ITSN1: variants seen among roughly 807,000 people sequenced by gnomAD.
ITSN1 encodes intersectin 1.
Under a neutral mutation model 239.8 loss-of-function variants are expected in ITSN1, and 58 were observed. The ratio of observed to expected loss-of-function variants is 0.24; its 90% CI spans 0.20 to 0.30. The LOEUF (loss-of-function observed/expected upper bound fraction) is 0.30, where lower values mean the gene tolerates loss of function less well. ITSN1 is among the 10% of genes least tolerant of loss of function. ITSN1 has a pLI of 1.00. For synonymous variants in ITSN1, 780 were observed against 770.8 expected (o/e 1.01, Z -0.20); for missense variants, 1,558 against 2,103.3 (o/e 0.74, Z 5.07).
At chr21:33,742,898 A>C (rs945057819) in intron 5 of ITSN1, among the ~76,000 whole-genome samples, 3 of 152,226 alleles carry the variant, frequency 2.0e-5, no homozygotes, top group Admixed American at 6.5e-5. Context: ...AGTTATTATT[A>C]GGAAAAAGGA....
intron 1 of ITSN1, among the ~76,000 whole-genome samples, chr21:33,687,627 A>AATG (rs2091314128): frequency 6.6e-6 from 1 of 152,176 alleles, no homozygotes; most frequent in East Asian, 1.9e-4. Flanking sequence ...TAACTTTGAA[A>AATG]ATGAACCAAC....
intron 6 of ITSN1, among the ~76,000 whole-genome samples, chr21:33,751,003 A>G (rs1052375221): frequency 6.6e-6 from 1 of 152,248 alleles, no homozygotes; most frequent in Non-Finnish European, 1.5e-5. Flanking sequence ...CATGGGTTTT[A>G]GCATCATACT....
Position 33,897,752 on chromosome 21 carries a change from T to A in ITSN1, c.*9452T>A, listed in dbSNP as rs1986864484. The A allele has an allele frequency of 6.6e-6, 1 of 152,242 alleles. No homozygotes were observed. Among genetic ancestry groups the A allele is most frequent in the South Asian group, 2.1e-4 (1 of 4,838 alleles). The allele number at this position is 152,242 out of a possible 1,614,324, so 9.4% of individuals were successfully genotyped here. On this transcript the variant is annotated 3_prime_UTR_variant, in exon 40 of 40. Coordinates refer to ENST00000381318, the MANE Select transcript of ITSN1 (RefSeq NM_003024.3). Reference sequence around the variant, plus strand: ...TTTCTGTATGTATATGAGAGTATTTTAGGAATCTAATTTAAGTGCATAAAA... The same window carrying A: ...TTTCTGTATGTATATGAGAGTATTTAAGGAATCTAATTTAAGTGCATAAAA...
chr21:33,742,965 A>G (rs1413351354), intron 5 of ITSN1, among the ~76,000 whole-genome samples: 2 of 152,222 alleles, frequency 1.3e-5, no homozygotes, highest in Non-Finnish European at 2.9e-5. Context: ...GTAAATCACT[A>G]CTTCAAAACA....
chr21:33,685,872 TAATC>T (rs977565416), intron 1 of ITSN1, among the ~76,000 whole-genome samples: 11 of 152,216 alleles, frequency 7.2e-5, no homozygotes, highest in Non-Finnish European at 1.3e-4. Context: ...GTTTTAATAA[TAATC>T]ATAACTATTT....
intron 29 of ITSN1, among the ~76,000 whole-genome samples, chr21:33,853,830 G>T (rs1978795730): frequency 6.6e-6 from 1 of 152,188 alleles, no homozygotes; most frequent in Non-Finnish European, 1.5e-5. Flanking sequence ...GTGGGATGCA[G>T]GGCAAACCTC....
intron 1 of ITSN1, among the ~76,000 whole-genome samples, chr21:33,694,556 C>CA (rs2091706773): frequency 6.6e-6 from 1 of 152,102 alleles, no homozygotes; most frequent in Non-Finnish European, 1.5e-5. Flanking sequence ...CGCTGTGGCT[C>CA]ACACCTGTAA....
chr21:33,875,606 C>A (rs1983600718), intron 34 of ITSN1, 85 bp downstream of exon 34: 1 of 1,295,320 alleles, frequency 7.7e-7, no homozygotes. Flanking sequence ...AAGCATGAAC[C>A]ATTCTCCTCC....
intron 34 of ITSN1, among the ~76,000 whole-genome samples, chr21:33,877,863 CA>C (rs1984218063): frequency 8.8e-6 from 1 of 113,082 alleles, no homozygotes; most frequent in Admixed American, 9.3e-5. Context: ...GTGTGTGTGC[CA>C]GTTTTCTTGG....
At chr21:33,793,411 A>C (rs970973303) in intron 16 of ITSN1, among the ~76,000 whole-genome samples, 1 of 152,202 alleles carries the variant, frequency 6.6e-6, no homozygotes, top group African/African-American at 2.4e-5. Context: ...CCTTGGCTCT[A>C]CTGGGCACTT....
intron 25 of ITSN1, among the ~76,000 whole-genome samples, chr21:33,826,125 A>G (rs567221854): frequency 6.6e-6 from 1 of 152,344 alleles, no homozygotes; most frequent in African/African-American, 2.4e-5. Flanking sequence ...AGTATCCCAG[A>G]GAGGAATTCA....
chr21:33,686,669 T>C (rs2091255216), intron 1 of ITSN1, among the ~76,000 whole-genome samples: 1 of 152,194 alleles, frequency 6.6e-6, no homozygotes, highest in African/African-American at 2.4e-5. Context: ...TTTTGTCTCA[T>C]TTCCCCTTTC....
chr21:33,651,392 C>T (rs1156691570), intron 1 of ITSN1, among the ~76,000 whole-genome samples: 1 of 152,154 alleles, frequency 6.6e-6, no homozygotes, highest in East Asian at 1.9e-4. Context: ...TTCCAGCTGT[C>T]TATGGATGTT....
Position 33,899,557 on chromosome 21 carries a change from C to T in ITSN1, c.*11257C>T, listed in dbSNP as rs941746332. 6.6e-6 allele frequency: 1 copy of T among 152,168 alleles called. No individual in the cohort carries two copies. The highest frequency in any genetic ancestry group is 2.4e-5 in the African/African-American group (1 of 41,432). 9.4% of individuals were successfully genotyped at this position (152,168 alleles called of 1,614,324 possible). A position where few individuals can be genotyped will look rare whatever the true frequency, so the allele number is the denominator to read the frequency against. ...GTATTTGTCTAAAGGTTTGATGAAGCAGGGCCAAAACATTGTTTCTTCTTT... is the reference window on the plus strand; with the variant it reads ...GTATTTGTCTAAAGGTTTGATGAAGTAGGGCCAAAACATTGTTTCTTCTTT... On this transcript the variant is annotated 3_prime_UTR_variant, in exon 40 of 40. Coordinates refer to ENST00000381318, the MANE Select transcript of ITSN1 (RefSeq NM_003024.3).
chr21:33,727,121 G>A (rs955188078), intron 4 of ITSN1, among the ~76,000 whole-genome samples: 2 of 152,098 alleles, frequency 1.3e-5, no homozygotes, highest in African/African-American at 4.8e-5. Flanking sequence ...GTCAGTGTGT[G>A]TCATGCCAAA....
chr21:33,654,131 C>T (rs956333567), intron 1 of ITSN1, among the ~76,000 whole-genome samples: 8 of 152,074 alleles, frequency 5.3e-5, no homozygotes, highest in Non-Finnish European at 8.8e-5. Context: ...ACTGTATCCC[C>T]AACCTTCCAG....
intron 29 of ITSN1, among the ~76,000 whole-genome samples, chr21:33,841,937 C>CTTT (rs60218190): frequency 1.5e-5 from 2 of 132,000 alleles, no homozygotes; most frequent in Non-Finnish European, 1.6e-5. Context: ...CTCTTGGGCA[C>CTTT]TTTTTTTTTT....
chr21:33,858,407 T>C (rs1350635860), intron 30 of ITSN1, among the ~76,000 whole-genome samples: 1 of 152,216 alleles, frequency 6.6e-6, no homozygotes, highest in East Asian at 1.9e-4. Context: ...CCGGCCTCCC[T>C]GCTTGTCTGG....
At chr21:33,775,495 A>G (rs1285151787) in intron 14 of ITSN1, among the ~76,000 whole-genome samples, 2 of 152,148 alleles carry the variant, frequency 1.3e-5, no homozygotes, top group Non-Finnish European at 2.9e-5. Context: ...AGGGATAGGA[A>G]ATGTTGTGAT....
Sources: allele counts gnomAD v4.1 joint callset (sites outside exome capture counted in the v4.1 genomes callset), GRCh38; gene constraint gnomAD v4.1.1; transcripts MANE v1.5; gene names NCBI Gene and HGNC (gene_info 2026-07-23, HGNC 2026-07-21).